The following HDAC9 variants were observed in gnomAD, a reference collection of about 807,000 sequenced individuals.
The protein encoded by HDAC9 is histone deacetylase 9.
In HDAC9, 41 loss-of-function variants were observed where a neutral mutation model predicts 139.4. That is an observed-to-expected ratio of 0.29 (90% CI 0.23 to 0.38). The LOEUF (loss-of-function observed/expected upper bound fraction) is 0.38, where lower values mean the gene tolerates loss of function less well. Among genes scored for constraint, HDAC9 ranks in the 10% least tolerant of loss-of-function variants. The pLI, the probability that HDAC9 is intolerant of heterozygous loss-of-function variation, is 1.00. For synonymous variants in HDAC9, 517 were observed against 476.2 expected (o/e 1.09, Z -1.12); for missense variants, 1,147 against 1,297.0 (o/e 0.88, Z 1.78).
intron 2 of HDAC9, among the ~76,000 whole-genome samples, chr7:18,539,851 G>C (rs899754987): frequency 6.6e-6 from 1 of 151,350 alleles, no homozygotes; most frequent in Admixed American, 6.6e-5. Flanking sequence ...GTTAAAATGA[G>C]GACACCAAAA....
At chr7:18,321,524 A>G (rs1324693903) in intron 1 of HDAC9, among the ~76,000 whole-genome samples, 9 of 152,180 alleles carry the variant, frequency 5.9e-5, no homozygotes, top group Non-Finnish European at 1.0e-4. Flanking sequence ...GCTTTTTAAA[A>G]AAATGTTTGT....
chr7:18,905,850 G>GTTTCTTTC (rs148148225), intron 22 of HDAC9, among the ~76,000 whole-genome samples: 1 of 150,596 alleles, frequency 6.6e-6, no homozygotes, highest in Non-Finnish European at 1.5e-5. Context: ...ATGCTGAATA[G>GTTTCTTTC]TTTCTTTCTT....
chr7:18,297,386 T>C (rs1798220320), intron 1 of HDAC9, among the ~76,000 whole-genome samples: 1 of 152,006 alleles, frequency 6.6e-6, no homozygotes, highest in Non-Finnish European at 1.5e-5. Flanking sequence ...TTAAACGGAG[T>C]GGACCAAAGA....
intron 1 of HDAC9, among the ~76,000 whole-genome samples, chr7:18,298,158 A>G (rs1159218544): frequency 6.6e-6 from 1 of 152,174 alleles, no homozygotes; most frequent in East Asian, 1.9e-4. Context: ...CAATGGTAGC[A>G]TGGCAGAGGT....
Position 18,944,982 on chromosome 7 carries a change from G to A in HDAC9, c.2937+9040G>A, listed in dbSNP as rs77110471. Among the ~76,000 whole-genome samples the A allele has an allele frequency of 5.3e-3, 800 of 152,204 alleles. 6 individuals are homozygous for A. Among genetic ancestry groups the A allele is most frequent in the Non-Finnish European group, 9.4e-3 (636 of 67,994 alleles). On this transcript the variant is annotated intron_variant, in intron 23 of 25. Coordinates refer to ENST00000686413, the MANE Select transcript of HDAC9 (RefSeq NM_178425.4). ...TAAAGGGAATTTTTCCAGTTTGGGGGCTATTGTATCTAATGTTGTGATGGA... is the reference window on the plus strand; with the variant it reads ...TAAAGGGAATTTTTCCAGTTTGGGGACTATTGTATCTAATGTTGTGATGGA...
intron 1 of HDAC9, among the ~76,000 whole-genome samples, chr7:18,137,129 G>A (rs1381921057): frequency 6.8e-6 from 1 of 146,098 alleles, no homozygotes; most frequent in African/African-American, 2.6e-5. Context: ...GTATAGGAAT[G>A]CTTGTGATTT....
At chr7:18,896,592 C>G (rs1478807692) in intron 22 of HDAC9, among the ~76,000 whole-genome samples, 3 of 152,008 alleles carry the variant, frequency 2.0e-5, no homozygotes, top group African/African-American at 7.2e-5. Flanking sequence ...TAAGTGTTTT[C>G]TTTTTCATTC....
chr7:18,744,178 G>A (rs541983176), intron 13 of HDAC9, among the ~76,000 whole-genome samples: 167 of 152,120 alleles, frequency 1.1e-3, no homozygotes, highest in African/African-American at 3.6e-3. Context: ...TTTTAGTAGA[G>A]ACGGGGTTTC....
At chr7:18,917,460 A>T (rs891418221) in intron 22 of HDAC9, among the ~76,000 whole-genome samples, 3 of 146,614 alleles carry the variant, frequency 2.0e-5, no homozygotes, top group Non-Finnish European at 4.6e-5. Context: ...GAAAAAAGAC[A>T]GTATCTGATT....
intron 2 of HDAC9, among the ~76,000 whole-genome samples, chr7:18,272,931 A>G (rs1025529535): frequency 0.02 from 1,131 of 57,702 alleles, 12 homozygotes; most frequent in African/African-American, 0.044. Context: ...TACTACTACT[A>G]CTACTACTAC....
intron 16 of HDAC9, among the ~76,000 whole-genome samples, chr7:18,789,591 A>G (rs1792128167): frequency 6.6e-6 from 1 of 152,036 alleles, no homozygotes; most frequent in African/African-American, 2.4e-5. Context: ...TTCCATTTCC[A>G]GAGCCAACTT....
At chr7:18,100,932 G>A (rs776115330) in intron 1 of HDAC9, among the ~76,000 whole-genome samples, 1 of 152,148 alleles carries the variant, frequency 6.6e-6, no homozygotes, top group Middle Eastern at 3.4e-3. Context: ...TTGTTTTTAA[G>A]ATTAGTTTCT....
intron 1 of HDAC9, chr7:18,458,957 A>G (rs1457589468): frequency 8.1e-7 from 1 of 1,232,436 alleles, no homozygotes; most frequent in Admixed American, 2.0e-5. Context: ...GCTGAACATG[A>G]GTGGGTGACT....
chr7:18,520,714 A>T (rs1804758768), intron 2 of HDAC9, among the ~76,000 whole-genome samples: 1 of 152,196 alleles, frequency 6.6e-6, no homozygotes, highest in Non-Finnish European at 1.5e-5. Context: ...AATGTCTTGG[A>T]AACAGTTACC....
chr7:18,919,217 C>T (rs1257560046), intron 22 of HDAC9, among the ~76,000 whole-genome samples: 4 of 151,972 alleles, frequency 2.6e-5, no homozygotes, highest in Non-Finnish European at 5.9e-5. Context: ...TGCCCCTTAT[C>T]GTGATACCTA....
At chr7:18,959,913 A>G (rs1231902388) in intron 24 of HDAC9, among the ~76,000 whole-genome samples, 1 of 152,004 alleles carries the variant, frequency 6.6e-6, no homozygotes, top group African/African-American at 2.4e-5. Flanking sequence ...ATTTCACCAT[A>G]TGTTCTTGTC....
intron 6 of HDAC9, among the ~76,000 whole-genome samples, chr7:18,624,949 C>T (rs549967628): frequency 6.6e-6 from 1 of 152,024 alleles, no homozygotes; most frequent in South Asian, 2.1e-4. Context: ...AGGGGCCTTT[C>T]TTTAGAGAAG....
intron 24 of HDAC9, among the ~76,000 whole-genome samples, chr7:18,957,578 G>A (rs1055282700): frequency 1.3e-5 from 2 of 152,124 alleles, no homozygotes; most frequent in African/African-American, 4.8e-5. Context: ...GTGAGACCCA[G>A]TTCAAGATGA....
chr7:18,972,892 G>A (rs1037991088), intron 24 of HDAC9, among the ~76,000 whole-genome samples: 4 of 152,178 alleles, frequency 2.6e-5, no homozygotes, highest in African/African-American at 9.7e-5. Flanking sequence ...ATATCTTAAA[G>A]TACAAGGGTA....
Sources: allele counts gnomAD v4.1 joint callset (sites outside exome capture counted in the v4.1 genomes callset), GRCh38; gene constraint gnomAD v4.1.1; transcripts MANE v1.5; gene names NCBI Gene and HGNC (gene_info 2026-07-23, HGNC 2026-07-21).